The following STK3 variants were observed in gnomAD, a reference collection of about 807,000 sequenced individuals.
STK3 encodes serine/threonine kinase 3.
STK3 carries 41 observed loss-of-function variants against 58.0 expected under a neutral mutation model. The observed-to-expected ratio is 0.71, with a 90% CI of 0.55 to 0.92. The LOEUF (loss-of-function observed/expected upper bound fraction) is 0.92, where lower values mean the gene tolerates loss of function less well. Ranked by LOEUF, STK3 falls within the 40% of genes least tolerant of loss-of-function variation. STK3 has a pLI of 0.00. For synonymous variants in STK3, 170 were observed against 191.0 expected (o/e 0.89, Z 0.91); for missense variants, 479 against 602.7 (o/e 0.79, Z 2.15).
intron 2 of STK3, among the ~76,000 whole-genome samples, chr8:98,773,988 G>A (rs922210709): frequency 6.6e-6 from 1 of 151,952 alleles, no homozygotes; most frequent in Non-Finnish European, 1.5e-5. Context: ...TAGACATGGG[G>A]TTTCTCCATG....
intron 10 of STK3, among the ~76,000 whole-genome samples, chr8:98,510,892 T>A (rs575599848): frequency 5.3e-5 from 8 of 152,156 alleles, no homozygotes; most frequent in Middle Eastern, 3.4e-3. Flanking sequence ...TGCAAGTGGC[T>A]CCCTTGACTG....
At chr8:98,825,275 C>G (rs1014949063) in intron 1 of STK3, among the ~76,000 whole-genome samples, 10 of 152,120 alleles carry the variant, frequency 6.6e-5, no homozygotes, top group African/African-American at 2.2e-4. Context: ...GCGCTGCCCA[C>G]CCGACTTTCC....
intron 7 of STK3, among the ~76,000 whole-genome samples, chr8:98,583,845 A>ATGTGTG (rs529496460): frequency 5.7e-4 from 83 of 144,662 alleles, no homozygotes; most frequent in African/African-American, 1.4e-3. Context: ...GAGAGAGTGT[A>ATGTGTG]TGTGTGTGTG....
intron 1 of STK3, among the ~76,000 whole-genome samples, chr8:98,384,838 T>C (rs1338119418): frequency 1.3e-5 from 2 of 152,148 alleles, no homozygotes; most frequent in South Asian, 2.1e-4. Flanking sequence ...CCTCCTTCAA[T>C]AATCAGCCCC....
intron 1 of STK3, among the ~76,000 whole-genome samples, chr8:98,791,468 A>T (rs185328416): frequency 6.6e-6 from 1 of 151,940 alleles, no homozygotes; most frequent in Non-Finnish European, 1.5e-5. Flanking sequence ...TAGAAAAAAC[A>T]ATCCTAAAAC....
At chr8:98,882,275 A>T (rs1159805829), downstream of STK3, 1 of 152,058 alleles carries the variant, frequency 6.6e-6, no homozygotes, top group Non-Finnish European at 1.5e-5. Context: ...TTTTGTGGGT[A>T]CGTAGTAGAT....
At chr8:98,803,338 T>A (rs1276000400) in intron 1 of STK3, among the ~76,000 whole-genome samples, 2 of 151,988 alleles carry the variant, frequency 1.3e-5, no homozygotes, top group East Asian at 3.9e-4. Flanking sequence ...ACGCCTGTAA[T>A]CCCAGCACTT....
intron 1 of STK3, among the ~76,000 whole-genome samples, chr8:98,807,568 T>G (rs112745054): frequency 0.029 from 4,390 of 152,236 alleles, 87 homozygotes; most frequent in Non-Finnish European, 0.041. Context: ...AGTAATCAAA[T>G]GTTATTTAGG....
At chr8:98,465,175 G>T (rs1298397904) in intron 10 of STK3, among the ~76,000 whole-genome samples, 1 of 152,156 alleles carries the variant, frequency 6.6e-6, no homozygotes, top group Non-Finnish European at 1.5e-5. Context: ...ACCTTAGGGG[G>T]CAGATATTAC....
At position 98,761,941 on chromosome 8, in the gene STK3, G is replaced by T. The variant is rs145518034; in HGVS notation, c.236+5302C>A. On this transcript the variant is annotated intron_variant, in intron 3 of 10. Coordinates refer to ENST00000419617, the MANE Select transcript of STK3 (RefSeq NM_006281.4). ...TAGAATACTCTGGTAGAAGCCAAGG[G>T]GTGCTCAGTGACACCCTGAACAGGC... 8.5e-3 allele frequency among the ~76,000 whole-genome samples: 1,300 copies of T among 152,196 alleles called. 10 individuals are homozygous for T. Among genetic ancestry groups the T allele is most frequent in the African/African-American group, 0.029 (1,224 of 41,512 alleles).
At chr8:98,562,737 GAAAAAAAAAAAAAAAAA>G (rs778049177) in intron 8 of STK3, among the ~76,000 whole-genome samples, 46 of 17,390 alleles carry the variant, frequency 2.6e-3, no homozygotes, top group Admixed American at 5.8e-3. Flanking sequence ...CACAAAAAAT[GAAAAAAAAAAAAAAAAA>G]AAAAAAAAAA....
chr8:98,595,472 C>A (rs1815737521), intron 7 of STK3: 1 of 151,902 alleles, frequency 6.6e-6, no homozygotes, highest in Non-Finnish European at 1.5e-5. Flanking sequence ...GCTGAAAGTT[C>A]TAAGACTATT....
chr8:98,892,455 G>A (rs1838233350), intron 1 of STK3, among the ~76,000 whole-genome samples: 1 of 152,162 alleles, frequency 6.6e-6, no homozygotes, highest in African/African-American at 2.4e-5. Context: ...TCAGAATGAA[G>A]TCCAGATTCG....
At position 98,908,153 on chromosome 8, in the gene STK3, G is replaced by A. The variant is rs533831585; in HGVS notation, c.-78-24319C>T. On this transcript the variant is annotated intron_variant, in intron 1 of 1. Coordinates refer to the STK3 transcript ENST00000519420. ...TATAGCCATTAATCATCACTACCTAGATTCACTATTTCAGAAAGGGTGCAA... is the reference window on the plus strand; with the variant it reads ...TATAGCCATTAATCATCACTACCTAAATTCACTATTTCAGAAAGGGTGCAA... 2.7e-4 allele frequency among the ~76,000 whole-genome samples: 41 copies of A among 152,262 alleles called. No individual in the cohort carries two copies. The South Asian group carries it at 4.8e-3, about 18-fold the overall frequency.
At chr8:98,607,955 G>A (rs188887263) in intron 6 of STK3, among the ~76,000 whole-genome samples, 83 of 152,114 alleles carry the variant, frequency 5.5e-4, no homozygotes, top group East Asian at 1.2e-3. Flanking sequence ...GACATTACCC[G>A]TTCACATATG....
In STK3 at chr8:98,800,385, C is replaced by G. The variant is rs1038692313; in HGVS notation, c.26+25130G>C. 1.3e-5 allele frequency among the ~76,000 whole-genome samples: 2 copies of G among 152,218 alleles called. No homozygotes were observed. Among genetic ancestry groups the G allele is most frequent in the Non-Finnish European group, 2.9e-5 (2 of 68,032 alleles). Reference sequence around the variant, plus strand: ...CGGTCATCGGCCAAATTCCCAACAGCAGTTGGGGTGTCCTGTTTAGAGGGG... The same window carrying G: ...CGGTCATCGGCCAAATTCCCAACAGGAGTTGGGGTGTCCTGTTTAGAGGGG... On this transcript the variant is annotated intron_variant, in intron 1 of 10. Coordinates refer to ENST00000419617, the MANE Select transcript of STK3 (RefSeq NM_006281.4). The surrounding 1 kb of genome is among the most constrained non-coding windows in gnomAD (Gnocchi z 4.8).
chr8:98,364,560 G>T, the STK3 span, among the ~76,000 whole-genome samples: 4 of 152,352 alleles, frequency 2.6e-5, no homozygotes, highest in Admixed American at 1.3e-4. Context: ...CCCAGCATGC[G>T]CCTCTCTCCC....
At chr8:98,347,542 A>G in the STK3 span, among the ~76,000 whole-genome samples, 1 of 151,782 alleles carries the variant, frequency 6.6e-6, no homozygotes, top group Non-Finnish European at 1.5e-5. Context: ...ACCAAAAAAA[A>G]CCACAGCGTA....
At chr8:98,646,320 C>A (rs1015849191) in intron 6 of STK3, among the ~76,000 whole-genome samples, 4 of 152,160 alleles carry the variant, frequency 2.6e-5, no homozygotes, top group African/African-American at 4.8e-5. Flanking sequence ...TGACCTAGTT[C>A]CCAGAAAACA....
Sources: gnomAD v4.1 joint callset for allele counts (sites outside exome capture counted in the v4.1 genomes callset) on GRCh38, gnomAD v4.1.1 for gene constraint, Gnocchi (gnomAD v3.1) non-coding constraint, MANE v1.5 for transcripts, NCBI Gene and HGNC (gene_info 2026-07-23, HGNC 2026-07-21) for gene names.